PIAS4: variants seen among roughly 807,000 people sequenced by gnomAD.
PIAS4 encodes protein inhibitor of activated STAT 4.
In PIAS4, 7 loss-of-function variants were observed where a neutral mutation model predicts 58.0. That is an observed-to-expected ratio of 0.12 (90% CI 0.07 to 0.23). The LOEUF is 0.23. Among genes scored for constraint, PIAS4 ranks in the 10% least tolerant of loss-of-function variants. The pLI is 1.00. For missense variants in PIAS4, 550 were observed against 709.5 expected (o/e 0.78, Z 2.55); for synonymous variants, 364 against 312.4 (o/e 1.17, Z -1.74).
At chr19:4,018,125 T>G (rs960819595) in intron 2 of PIAS4, among the ~76,000 whole-genome samples, 1 of 152,262 alleles carries the variant, frequency 6.6e-6, no homozygotes, top group Non-Finnish European at 1.5e-5. Context: ...GTCAGCCTTT[T>G]AAAAACTCCC....
At chr19:4,028,010 T>G in intron 3 of PIAS4, 136 bp from the exon 4 acceptor site, 1 of 856,246 alleles carries the variant, frequency 1.2e-6, no homozygotes, top group Non-Finnish European at 2.0e-6. Flanking sequence ...TACAAAAGAG[T>G]CCTGGGCCTC....
Position 4,021,639 on chromosome 19 carries a change from T to C in PIAS4, c.455-2397T>C, listed in dbSNP as rs191773282. On this transcript the variant is annotated intron_variant, in intron 2 of 10. Coordinates refer to ENST00000262971, the MANE Select transcript of PIAS4 (RefSeq NM_015897.4). Reference sequence around the variant, plus strand: ...TGCTGGCCTTGTAAAATAAGAAGTATGCTTTCCTTCTCTGTTTTTTGAAAG... The same window carrying C: ...TGCTGGCCTTGTAAAATAAGAAGTACGCTTTCCTTCTCTGTTTTTTGAAAG... Among the ~76,000 whole-genome samples the C allele has an allele frequency of 4.1e-4, 62 of 152,302 alleles. No homozygotes were observed. In the East Asian group the frequency reaches 9.6e-3, roughly 24 times the overall value.
At chr19:4,025,427 C>T (rs1200533504) in intron 3 of PIAS4, among the ~76,000 whole-genome samples, 1 of 152,306 alleles carries the variant, frequency 6.6e-6, no homozygotes, top group East Asian at 1.9e-4. Context: ...GGTGCTGGGC[C>T]CTTAGGACAG....
chr19:4,010,586 A>G (rs74645403), intron 1 of PIAS4, among the ~76,000 whole-genome samples: 1 of 152,208 alleles, frequency 6.6e-6, no homozygotes, highest in Non-Finnish European at 1.5e-5. Flanking sequence ...AGGTCCCCAT[A>G]GCCAGTGTGC....
chr19:4,024,465 C>T (rs551229555), intron 3 of PIAS4, among the ~76,000 whole-genome samples: 1 of 152,370 alleles, frequency 6.6e-6, no homozygotes, highest in Non-Finnish European at 1.5e-5. Context: ...GAACACACCC[C>T]TGTTGTGACA....
At chr19:4,034,553 G>A (rs941879973) in intron 9 of PIAS4, among the ~76,000 whole-genome samples, 4 of 152,238 alleles carry the variant, frequency 2.6e-5, no homozygotes, top group Admixed American at 6.5e-5. Flanking sequence ...GGGCTGGGTG[G>A]CCACCCCCTT....
intron 4 of PIAS4, 116 bp from the exon 5 acceptor site, chr19:4,028,394 T>A: frequency 1.2e-6 from 1 of 844,126 alleles, no homozygotes; most frequent in Non-Finnish European, 1.9e-6. Context: ...ACCCCCCGTG[T>A]CACATTCTCC....
intron 2 of PIAS4, chr19:4,018,570 C>G (rs886957598): frequency 6.6e-6 from 1 of 152,222 alleles, no homozygotes; most frequent in East Asian, 1.9e-4. Flanking sequence ...CACCTGGCCC[C>G]AAAGGTGCAT....
chr19:4,019,376 C>G (rs2040086212), intron 2 of PIAS4, among the ~76,000 whole-genome samples: 1 of 152,178 alleles, frequency 6.6e-6, no homozygotes, highest in African/African-American at 2.4e-5. Flanking sequence ...CCTCCCAGGG[C>G]AGGGACCCCA....
chr19:4,036,485 A>G (rs2040288610), intron 9 of PIAS4, among the ~76,000 whole-genome samples: 1 of 145,808 alleles, frequency 6.9e-6, no homozygotes, highest in South Asian at 2.2e-4. Context: ...ACATCCATAC[A>G]GTCCACACCG....
At position 4,037,944 on chromosome 19, in the gene PIAS4, A is replaced by T. The variant is rs2144950588; in HGVS notation, c.*69A>T. 1.4e-6 allele frequency: 2 copies of T among 1,454,462 alleles called. No homozygotes were observed. Among genetic ancestry groups the T allele is most frequent in the East Asian group, 4.8e-5 (2 of 41,390 alleles). 90.1% of individuals were successfully genotyped at this position (1,454,462 alleles called of 1,614,324 possible). A position where few individuals can be genotyped will look rare whatever the true frequency, so the allele number is the denominator to read the frequency against. On this transcript the variant is annotated 3_prime_UTR_variant, in exon 11 of 11. Transcript: ENST00000262971. This position sits in a 1 kb window ranked among gnomAD's most constrained non-coding sequence, Gnocchi z 5.8. ...GGGCACGGGCCAGCCTCGGGCGCAG[A>T]GGGAGGAGTGACCTTTCTTTTTCTT...
chr19:4,024,698 C>T lies in PIAS4; in HGVS notation c.539+578C>T, dbSNP rs745617382. ...GGAGCTGGGGGTCCCCGGTTTACAC[C>T]GCCCGCCTTAGGAATTTATTCTGGT... On this transcript the variant is annotated intron_variant, in intron 3 of 10. Coordinates refer to ENST00000262971, the MANE Select transcript of PIAS4 (RefSeq NM_015897.4). Among the ~76,000 whole-genome samples the T allele has an allele frequency of 1.3e-5, 2 of 152,098 alleles. 1 individual carries two copies. The highest frequency in any genetic ancestry group is 2.9e-5 in the Non-Finnish European group (2 of 68,016).
chr19:4,028,685 C>T, intron 5 of PIAS4, 35 bp from the exon 6 acceptor site: 1 of 1,604,002 alleles, frequency 6.2e-7, no homozygotes, highest in Non-Finnish European at 8.5e-7. Context: ...CCCAGCCGCT[C>T]TTGGCTCGAG....
At position 4,016,315 on chromosome 19, in the gene PIAS4, C is replaced by T. The variant is rs568591230; in HGVS notation, c.454+2966C>T. On this transcript the variant is annotated intron_variant, in intron 2 of 10. Transcript: ENST00000262971. ...GGGTCTTGGCCCGCAGCGGGCACCCCGAGGAATCTGCCTGCCCACCCGCCT... is the reference window on the plus strand; with the variant it reads ...GGGTCTTGGCCCGCAGCGGGCACCCTGAGGAATCTGCCTGCCCACCCGCCT... 5.3e-5 allele frequency among the ~76,000 whole-genome samples: 8 copies of T among 152,348 alleles called. No homozygotes were observed. The South Asian group carries it at 1.2e-3, about 24-fold the overall frequency.
intron 3 of PIAS4, 29 bp downstream of exon 3, chr19:4,024,149 C>T: frequency 1.9e-6 from 3 of 1,543,360 alleles, no homozygotes; most frequent in South Asian, 1.1e-5. Context: ...AGCCCAGCAC[C>T]CCACCGCCCG....
chr19:4,020,504 C>G (rs910389200), intron 2 of PIAS4, among the ~76,000 whole-genome samples: 3 of 152,240 alleles, frequency 2.0e-5, no homozygotes, highest in African/African-American at 7.2e-5. Flanking sequence ...CGCTCCCCCA[C>G]GCTCTTCCGA....
At position 4,038,618 on chromosome 19, in the gene PIAS4, G is replaced by A. The variant is rs1020959936; in HGVS notation, c.*743G>A. The stretch of plus-strand genomic sequence containing the variant: ...GGGGGCCCAGGGTGCGGCACCGTGT[G>A]GCGTGGGGGGGTCTCAGTTTTCTAG... On this transcript the variant is annotated 3_prime_UTR_variant, in exon 11 of 11. Coordinates refer to ENST00000262971, the MANE Select transcript of PIAS4 (RefSeq NM_015897.4). The surrounding 1 kb of genome is among the most constrained non-coding windows in gnomAD (Gnocchi z 4.1). The A allele has an allele frequency of 1.3e-5, 2 of 152,652 alleles. No homozygotes were observed. The highest frequency in any genetic ancestry group is 2.9e-5 in the Non-Finnish European group (2 of 68,174). 9.5% of individuals were successfully genotyped at this position (152,652 alleles called of 1,614,324 possible). A position where few individuals can be genotyped will look rare whatever the true frequency, so the allele number is the denominator to read the frequency against.
chr19:4,010,753 C>T (rs887665145), intron 1 of PIAS4, among the ~76,000 whole-genome samples: 7 of 152,224 alleles, frequency 4.6e-5, no homozygotes, highest in Admixed American at 2.0e-4. Context: ...TGGGTGTCCT[C>T]ATTGTGAAAT....
chr19:4,028,338 A>G (rs1330214163), intron 4 of PIAS4, 151 bp downstream of exon 4: 3 of 804,540 alleles, frequency 3.7e-6, no homozygotes, highest in African/African-American at 3.4e-5. Flanking sequence ...GTCTGGGGAT[A>G]CATCACCATC....
Sources: allele counts gnomAD v4.1 joint callset (sites outside exome capture counted in the v4.1 genomes callset), GRCh38; gene constraint gnomAD v4.1.1; non-coding constraint Gnocchi (gnomAD v3.1); transcripts MANE v1.5; gene names NCBI Gene and HGNC (gene_info 2026-07-23, HGNC 2026-07-21).